SGSM2: variants seen among roughly 807,000 people sequenced by gnomAD.
SGSM2 encodes the protein small G protein signaling modulator 2.
In SGSM2, 89 loss-of-function variants were observed where a neutral mutation model predicts 126.6. The observed-to-expected ratio is 0.70, with a 90% confidence interval of 0.59 to 0.84. The LOEUF is 0.84. SGSM2 is among the 40% of genes least tolerant of loss of function. The pLI is 0.00. For synonymous variants in SGSM2, 614 were observed against 574.3 expected (o/e 1.07, Z -0.99); for missense variants, 1,404 against 1,416.6 (o/e 0.99, Z 0.14).
At position 2,364,155 on chromosome 17, in the gene SGSM2, A is replaced by C. The variant is rs1307293463; in HGVS notation, c.904A>C (p.Thr302Pro). The part of the protein sequence containing the change: ...KWTPNQLMNG[T>P]LGDSELEKSV... Reference sequence around the variant, plus strand: ...GACCCCCAACCAGCTCATGAATGGGACTCTGGGGGACTCCGAGCTGGAAAA... The same window carrying C: ...GACCCCCAACCAGCTCATGAATGGGCCTCTGGGGGACTCCGAGCTGGAAAA... Residue 302 changes from threonine (T) to proline (P), a missense_variant, in exon 8 of 24, where the codon ACT (threonine) becomes CCT (proline). By Grantham distance (38) the Thr-to-Pro change is conservative. Transcript: ENST00000268989. The C allele has an allele frequency of 6.2e-7, 1 of 1,613,606 alleles. No individual in the cohort carries two copies. Among genetic ancestry groups the C allele is most frequent in the East Asian group, 2.2e-5 (1 of 44,862 alleles).
At chr17:2,365,468 TC>T in intron 11 of SGSM2, 127 bp downstream of exon 11, 4 of 1,099,164 alleles carry the variant, frequency 3.6e-6, no homozygotes, top group Non-Finnish European at 5.0e-6. Flanking sequence ...CAGAGGCTCA[TC>T]GCCTAGCCTC....
At chr17:2,347,801 AT>A (rs928195440) in intron 2 of SGSM2, among the ~76,000 whole-genome samples, 3 of 151,974 alleles carry the variant, frequency 2.0e-5, no homozygotes, top group Non-Finnish European at 4.4e-5. Context: ...CCCTATTCCG[AT>A]TGGGCACTGA....
chr17:2,350,918 G>A (rs1490077719), intron 2 of SGSM2, among the ~76,000 whole-genome samples: 1 of 152,230 alleles, frequency 6.6e-6, no homozygotes, highest in Non-Finnish European at 1.5e-5. Context: ...GAAGCTCAGA[G>A]AGGTTTAGTG....
At chr17:2,375,901 C>T (rs539392373) in intron 18 of SGSM2, 26 bp downstream of exon 18, 35 of 1,508,156 alleles carry the variant, frequency 2.3e-5, no homozygotes, top group South Asian at 8.0e-5. Flanking sequence ...CCAGGCTGTT[C>T]CCAGCCGCCC....
intron 1 of SGSM2, among the ~76,000 whole-genome samples, chr17:2,340,766 A>T (rs1453009025): frequency 6.6e-6 from 1 of 151,562 alleles, no homozygotes; most frequent in Non-Finnish European, 1.5e-5. Context: ...TTGTATTTTT[A>T]GTAGAGACGG....
chr17:2,350,704 C>T (rs2064807621), intron 2 of SGSM2, among the ~76,000 whole-genome samples: 1 of 152,124 alleles, frequency 6.6e-6, no homozygotes, highest in Non-Finnish European at 1.5e-5. Flanking sequence ...ACCTCAGAGA[C>T]AAGTCCAACT....
chr17:2,379,730 G>T lies in SGSM2; in HGVS notation c.*210G>T, dbSNP rs556401607. 2.1e-6 allele frequency: 3 copies of T among 1,406,586 alleles called. No individual in the cohort carries two copies. The highest frequency in any genetic ancestry group is 2.8e-6 in the Non-Finnish European group (3 of 1,079,664). The allele number at this position is 1,406,586 out of a possible 1,614,324, so 87.1% of individuals were successfully genotyped here. A position where few individuals can be genotyped will look rare whatever the true frequency, so the allele number is the denominator to read the frequency against. On this transcript the variant is annotated 3_prime_UTR_variant, in exon 24 of 24. Transcript: ENST00000268989. Reference sequence around the variant, plus strand: ...CCCTCGGATCAGGGCCGGGATGGGAGGGGTCAGCCTCAGGGAGCAGCTGCC... The same window carrying T: ...CCCTCGGATCAGGGCCGGGATGGGATGGGTCAGCCTCAGGGAGCAGCTGCC...
chr17:2,361,638 T>C lies in SGSM2; in HGVS notation c.135T>C (p.Gly45=), dbSNP rs753742746. The part of the protein sequence containing the change: ...EDSSHIIALC[G]AVEACLLHQL... ...ATGCCGTTTCCCTTTGTGGCCTAGG[T>C]GCAGTGGAGGCTTGCCTCTTGCATC... Residue 45 remains glycine (G), a splice_region_variant and synonymous_variant, in exon 3 of 24, where the codon GGT becomes GGC. Coordinates refer to ENST00000268989, the MANE Select transcript of SGSM2 (RefSeq NM_014853.3). The C allele has an allele frequency of 9.3e-6, 15 of 1,613,406 alleles. No homozygotes were observed. The highest frequency in any genetic ancestry group is 1.7e-5 in the Admixed American group (1 of 59,950).
chr17:2,380,343 T>A lies in SGSM2; in HGVS notation c.*823T>A. 3 of 1,524,468 alleles carry A rather than the reference T, an allele frequency of 2.0e-6. No individual in the cohort carries two copies. Among genetic ancestry groups the A allele is most frequent in the Non-Finnish European group, 2.6e-6 (3 of 1,136,598 alleles). 94.4% of individuals were successfully genotyped at this position (1,524,468 alleles called of 1,614,324 possible). On this transcript the variant is annotated 3_prime_UTR_variant, in exon 24 of 24. Coordinates refer to ENST00000268989, the MANE Select transcript of SGSM2 (RefSeq NM_014853.3). ...TGGAATGCGACCGGAGCACTTGCTC[T>A]GAGGAATCCCAGGGTGACTCTGTCG...
chr17:2,376,019 A>C (rs1403437088), intron 18 of SGSM2, 118 bp from the exon 19 acceptor site: 13 of 1,541,852 alleles, frequency 8.4e-6, no homozygotes, highest in Non-Finnish European at 1.1e-5. Flanking sequence ...CAGCATCCCC[A>C]CAGGACTCGC....
At chr17:2,345,727 G>A (rs1056083583) in intron 2 of SGSM2, among the ~76,000 whole-genome samples, 3 of 152,008 alleles carry the variant, frequency 2.0e-5, no homozygotes, top group African/African-American at 7.3e-5. Context: ...TTTTGGGTTC[G>A]GTACAGTCAC....
At position 2,340,668 on chromosome 17, in the gene SGSM2, T is replaced by C. The variant is rs574038499; in HGVS notation, c.58-2877T>C. 1.8e-4 allele frequency among the ~76,000 whole-genome samples: 27 copies of C among 151,680 alleles called. 1 individual carries two copies. The highest frequency in any genetic ancestry group is 5.6e-4 in the African/African-American group (23 of 41,326). On this transcript the variant is annotated intron_variant, in intron 1 of 23. Transcript: ENST00000268989. The stretch of plus-strand genomic sequence containing the variant: ...GGCGCCATCTCAGCTCACTGCAAGC[T>C]CCGCCTCCCGGGTTCACGCCTTTCT...
chr17:2,364,962 C>T lies in SGSM2; in HGVS notation c.1066C>T (p.Gln356Ter). 1 of 1,613,546 alleles carries T rather than the reference C, an allele frequency of 6.2e-7. No individual in the cohort carries two copies. Among genetic ancestry groups the T allele is most frequent in the Middle Eastern group, 1.7e-4 (1 of 6,058 alleles). ...CCAGAGGCCGCCGCTGCATTTCCCA[C>T]AGGGAGGACACCTGCTGTCCTTTCT... ...GIQRPPLHFPQGGHLLSFLSC... is the reference protein window; with the variant it reads ...GIQRPPLHFP The change falls in exon 10 of 24, where the codon CAG becomes TAG. Residue 356 changes from glutamine (Q) to a stop codon, truncating the protein, a stop_gained. Transcript: ENST00000268989. LOFTEE classifies it high-confidence loss of function.
In SGSM2 at chr17:2,380,278, A is replaced by G; in HGVS notation, c.*758A>G. The G allele has an allele frequency of 3.3e-6, 5 of 1,535,968 alleles. No homozygotes were observed. Among genetic ancestry groups the G allele is most frequent in the Non-Finnish European group, 4.4e-6 (5 of 1,146,894 alleles). On this transcript the variant is annotated 3_prime_UTR_variant, in exon 24 of 24. Coordinates refer to ENST00000268989, the MANE Select transcript of SGSM2 (RefSeq NM_014853.3). ...GTTCTGCATTAGGTACTTCCCTGAAAACCACGTGTAAGAAGTGATGCTTTT... is the reference window on the plus strand; with the variant it reads ...GTTCTGCATTAGGTACTTCCCTGAAGACCACGTGTAAGAAGTGATGCTTTT...
At chr17:2,345,122 G>GA (rs930179344) in intron 2 of SGSM2, among the ~76,000 whole-genome samples, 19 of 146,362 alleles carry the variant, frequency 1.3e-4, no homozygotes, top group African/African-American at 2.3e-4. Flanking sequence ...CTATGCTCTG[G>GA]AAAAAAAAAA....
rs574063834 is a variant in SGSM2, at chr17:2,372,696, C to T, written c.1788+208C>T. Reference sequence around the variant, plus strand: ...CTGGGAAGCCGTCCTGCCTCCACATCGCCCTGTGACCCTGGACAAAGCTTT... The same window carrying T: ...CTGGGAAGCCGTCCTGCCTCCACATTGCCCTGTGACCCTGGACAAAGCTTT... On this transcript the variant is annotated intron_variant, in intron 15 of 23. Transcript: ENST00000268989. The surrounding 1 kb of genome is among the most constrained non-coding windows in gnomAD (Gnocchi z 6.0). 29 of 814,872 alleles carry T rather than the reference C, an allele frequency of 3.6e-5. No homozygotes were observed. The highest frequency in any genetic ancestry group is 2.7e-4 in the East Asian group (10 of 36,798). 50.5% of individuals were successfully genotyped at this position (814,872 alleles called of 1,614,324 possible).
In SGSM2 at chr17:2,373,062, G is replaced by A; in HGVS notation, c.1898G>A (p.Ser633Asn). ...FLLGHYKFGM[S>N]KKEMEQVDAV... The stretch of plus-strand genomic sequence containing the variant: ...CTTGGCCACTACAAGTTCGGCATGA[G>A]CAAGAAGGAGATGGAGCAGGTGAGG... Residue 633 changes from serine (S) to asparagine (N), a missense_variant, in exon 16 of 24, where the codon AGC becomes AAC. Physicochemically the swap from Ser to Asn is conservative, Grantham distance 46. Transcript: ENST00000268989. The A allele has an allele frequency of 1.9e-6, 3 of 1,610,322 alleles. No individual in the cohort carries two copies. Among genetic ancestry groups the A allele is most frequent in the Non-Finnish European group, 2.5e-6 (3 of 1,178,934 alleles).
chr17:2,358,766 A>G lies in SGSM2; in HGVS notation c.134-2871A>G, dbSNP rs139735341. ...GTCAGAAGCTGAGAACCACAGACCT[A>G]CTATCCAGGAAAAAAAGCACTCTCC... On this transcript the variant is annotated intron_variant, in intron 2 of 23. Transcript: ENST00000268989. Among the ~76,000 whole-genome samples, 633 of 152,020 alleles carry G rather than the reference A, an allele frequency of 4.2e-3. 4 individuals carry two copies. The highest frequency in any genetic ancestry group is 7.1e-3 in the Non-Finnish European group (483 of 67,986).
chr17:2,365,712 A>G (rs890842478), intron 11 of SGSM2, among the ~76,000 whole-genome samples: 4 of 150,234 alleles, frequency 2.7e-5, no homozygotes, highest in African/African-American at 9.8e-5. Flanking sequence ...CCCAACCCCT[A>G]CAAGACAGCC....
Sources: gnomAD v4.1 joint callset for allele counts (sites outside exome capture counted in the v4.1 genomes callset) on GRCh38, gnomAD v4.1.1 for gene constraint, Gnocchi (gnomAD v3.1) non-coding constraint, MANE v1.5 for transcripts, NCBI Gene and HGNC (gene_info 2026-07-23, HGNC 2026-07-21) for gene names.